The following TMEM156 variants were observed in gnomAD, a reference collection of about 807,000 sequenced individuals.
TMEM156 encodes the protein transmembrane protein 156.
In TMEM156, 28 loss-of-function variants were observed where a neutral mutation model predicts 30.5. The observed-to-expected ratio is 0.92, with a 90% CI of 0.68 to 1.26. TMEM156 has a LOEUF of 1.26. Ranked by LOEUF, TMEM156 falls within the 50% of genes most tolerant of loss-of-function variation. The pLI, the probability that TMEM156 is intolerant of heterozygous loss-of-function variation, is 0.00. For missense variants in TMEM156, 351 were observed against 340.6 expected, an observed-to-expected ratio of 1.03 and a Z score of -0.24; for synonymous variants, 137 against 119.9, an observed-to-expected ratio of 1.14 and a Z score of -0.93.
Position 38,977,841 on chromosome 4 carries a change from A to G in TMEM156, c.824-6704T>C, listed in dbSNP as rs73808915. Among the ~76,000 whole-genome samples, 1,074 of 152,356 alleles carry G rather than the reference A, an allele frequency of 7.0e-3. 15 individuals carry two copies. The highest frequency in any genetic ancestry group is 0.024 in the African/African-American group (1,010 of 41,586). ...GGAGTAGAAACTGATTAAAAATAAA[A>G]TTCCATGCCTTATGCTCTCAAATAA... On this transcript the variant is annotated intron_variant, in intron 5 of 6. Transcript: ENST00000381938.
intron 1 of TMEM156, among the ~76,000 whole-genome samples, chr4:39,013,825 G>A (rs1470457829): frequency 6.6e-6 from 1 of 152,142 alleles, no homozygotes; most frequent in Non-Finnish European, 1.5e-5. Flanking sequence ...CACTATGTAA[G>A]ATCATTCATC....
intron 4 of TMEM156, among the ~76,000 whole-genome samples, chr4:38,987,121 C>A (rs1012705758): frequency 1.3e-5 from 2 of 152,134 alleles, no homozygotes; most frequent in Admixed American, 1.3e-4. Context: ...TTCTATCTCT[C>A]TTTGCTTATA....
At chr4:39,024,023 T>C (rs1445518951) in intron 1 of TMEM156, among the ~76,000 whole-genome samples, 2 of 152,152 alleles carry the variant, frequency 1.3e-5, no homozygotes, top group Non-Finnish European at 2.9e-5. Flanking sequence ...CAGAGGAATC[T>C]TTTGTTTGTT....
chr4:38,995,711 C>T (rs563806332), intron 2 of TMEM156, among the ~76,000 whole-genome samples: 81 of 152,258 alleles, frequency 5.3e-4, no homozygotes, highest in South Asian at 1.5e-3. Context: ...AAGACTCCAT[C>T]TCAAAAAAAT....
At chr4:38,988,761 G>T in intron 4 of TMEM156, 90 bp downstream of exon 4, 1 of 1,524,068 alleles carries the variant, frequency 6.6e-7, no homozygotes, top group Non-Finnish European at 9.0e-7. Flanking sequence ...TTCACAGTAG[G>T]TGCACAAGAA....
chr4:39,014,987 C>G (rs148422402), intron 1 of TMEM156, among the ~76,000 whole-genome samples: 158 of 152,252 alleles, frequency 1.0e-3, no homozygotes, highest in African/African-American at 3.4e-3. Flanking sequence ...AAACCATGGA[C>G]TGAGTTTCTT....
At chr4:38,981,067 T>C (rs1723155717) in intron 5 of TMEM156, 14 of 348,224 alleles carry the variant, frequency 4.0e-5, no homozygotes, top group Non-Finnish European at 5.7e-5. Flanking sequence ...TTTCCTGTTT[T>C]ATGAACCCAA....
chr4:38,970,310 A>G (rs1722536222), intron 6 of TMEM156, among the ~76,000 whole-genome samples: 1 of 152,082 alleles, frequency 6.6e-6, no homozygotes, highest in Non-Finnish European at 1.5e-5. Flanking sequence ...CTAGTTTAAT[A>G]TGCCCTTCAT....
Position 38,971,069 on chromosome 4 carries a change from CTTA to C in TMEM156, c.889_891del (p.Ter297delextTer7). The stretch of plus-strand genomic sequence containing the variant: ...TCTCACTGATGCACTGTGGAAGTAA[CTTA>C]TAGTTCTGGAATTGGGGGAAGCACT... On this transcript the variant is annotated stop_lost and inframe_deletion, in exon 6 of 7. Coordinates refer to ENST00000381938, the MANE Select transcript of TMEM156 (RefSeq NM_024943.3). 6.2e-7 allele frequency: 1 copy of C among 1,613,832 alleles called. No individual in the cohort carries two copies. Among genetic ancestry groups the C allele is most frequent in the Non-Finnish European group, 8.5e-7 (1 of 1,179,780 alleles).
intron 5 of TMEM156, among the ~76,000 whole-genome samples, chr4:38,977,405 A>G (rs1232400864): frequency 6.6e-6 from 1 of 152,228 alleles, no homozygotes; most frequent in East Asian, 1.9e-4. Flanking sequence ...GCTAGTCTAA[A>G]GTAATTCTCT....
chr4:38,998,583 A>T, intron 2 of TMEM156, 57 bp downstream of exon 2: 1 of 1,456,926 alleles, frequency 6.9e-7, no homozygotes, highest in Non-Finnish European at 9.1e-7. Context: ...CGTTTTTAAC[A>T]GAATAAATTA....
chr4:38,974,804 G>A (rs1205743656), intron 5 of TMEM156, among the ~76,000 whole-genome samples: 7 of 151,492 alleles, frequency 4.6e-5, no homozygotes, highest in African/African-American at 1.7e-4. Context: ...CCAAGTAGCT[G>A]GGATTACAGG....
chr4:39,011,175 T>G (rs1044053705), intron 1 of TMEM156, among the ~76,000 whole-genome samples: 2 of 152,314 alleles, frequency 1.3e-5, no homozygotes, highest in African/African-American at 4.8e-5. Context: ...TCACTAATTG[T>G]TACAGAGATA....
At chr4:39,015,076 A>C (rs1038533645) in intron 1 of TMEM156, among the ~76,000 whole-genome samples, 1 of 152,160 alleles carries the variant, frequency 6.6e-6, no homozygotes, top group African/African-American at 2.4e-5. Flanking sequence ...TTTCAAATTT[A>C]TTGACATAAA....
At chr4:39,008,404 T>C (rs1323597413) in intron 1 of TMEM156, among the ~76,000 whole-genome samples, 1 of 152,184 alleles carries the variant, frequency 6.6e-6, no homozygotes, top group African/African-American at 2.4e-5. Context: ...TCTGTTAATG[T>C]AGTGAATTAC....
chr4:38,991,408 T>G (rs1015620976), intron 3 of TMEM156, among the ~76,000 whole-genome samples: 1 of 150,382 alleles, frequency 6.6e-6, no homozygotes, highest in African/African-American at 2.5e-5. Flanking sequence ...TTTTGTAGAG[T>G]CAGGGTTTCA....
intron 5 of TMEM156, among the ~76,000 whole-genome samples, chr4:38,977,751 A>G (rs1722937304): frequency 6.6e-6 from 1 of 152,226 alleles, no homozygotes; most frequent in Non-Finnish European, 1.5e-5. Flanking sequence ...AGCCTTAAAA[A>G]AATTTTTTTA....
chr4:38,987,787 AACTTGCTTAAT>A (rs1179008362), intron 4 of TMEM156, among the ~76,000 whole-genome samples: 5 of 152,234 alleles, frequency 3.3e-5, no homozygotes, highest in African/African-American at 9.6e-5. Context: ...TAATTTAAAT[AACTTGCTTAAT>A]GTCACATAGC....
At chr4:38,978,267 TA>T (rs560962966) in intron 5 of TMEM156, among the ~76,000 whole-genome samples, 1 of 151,974 alleles carries the variant, frequency 6.6e-6, no homozygotes, top group African/African-American at 2.4e-5. Flanking sequence ...AAGTAACTTT[TA>T]AAAAAATACC....
Sources: gnomAD v4.1 joint callset for allele counts (sites outside exome capture counted in the v4.1 genomes callset) on GRCh38, gnomAD v4.1.1 for gene constraint, MANE v1.5 for transcripts, NCBI Gene and HGNC (gene_info 2026-07-23, HGNC 2026-07-21) for gene names.